GRIA1: variants seen among roughly 807,000 people sequenced by gnomAD.
GRIA1 encodes glutamate receptor 1.
GRIA1 carries 31 observed loss-of-function variants against 99.2 expected under a neutral mutation model. The ratio of observed to expected loss-of-function variants is 0.31; its 90% CI spans 0.23 to 0.42. GRIA1 has a LOEUF of 0.42. GRIA1 is among the 10% of genes least tolerant of loss of function. The pLI is 1.00. For synonymous variants in GRIA1, 438 were observed against 432.4 expected (o/e 1.01, Z -0.16); for missense variants, 782 against 1,157.5 (o/e 0.68, Z 4.71).
At chr5:153,750,524 G>T (rs77308799) in intron 11 of GRIA1, among the ~76,000 whole-genome samples, 1,529 of 152,186 alleles carry the variant, frequency 0.01, 33 homozygotes, top group African/African-American at 0.036. Flanking sequence ...AGATGTCCTA[G>T]AGGGGAGGCT....
intron 13 of GRIA1, among the ~76,000 whole-genome samples, chr5:153,791,508 A>G (rs554706378): frequency 2.6e-5 from 4 of 152,232 alleles, no homozygotes; most frequent in African/African-American, 9.6e-5. Context: ...AAGTGAGCCC[A>G]GGCAAGGATC....
intron 11 of GRIA1, among the ~76,000 whole-genome samples, chr5:153,751,915 T>C (rs928895721): frequency 2.4e-4 from 36 of 152,204 alleles, no homozygotes; most frequent in Admixed American, 2.3e-3. Flanking sequence ...CCAGAAGGCG[T>C]GAACTGTCCA....
At chr5:153,490,457 T>G, upstream of GRIA1, 1 of 212,784 alleles carries the variant, frequency 4.7e-6, no homozygotes, top group East Asian at 1.3e-4. Flanking sequence ...AAGGTGAGGA[T>G]GGGAGGAAGG....
chr5:153,600,263 G>A (rs1764805312), intron 2 of GRIA1, among the ~76,000 whole-genome samples: 2 of 151,788 alleles, frequency 1.3e-5, no homozygotes, highest in Non-Finnish European at 2.9e-5. Context: ...GTGGTGGCGG[G>A]CGCCTGTAGT....
At chr5:153,648,084 G>A (rs1415678850) in intron 3 of GRIA1, among the ~76,000 whole-genome samples, 2 of 152,246 alleles carry the variant, frequency 1.3e-5, no homozygotes, top group East Asian at 3.8e-4. Flanking sequence ...GAGGAGTACA[G>A]TACTGATGTG....
chr5:153,586,813 C>G (rs1009015662), intron 2 of GRIA1, among the ~76,000 whole-genome samples: 3 of 152,082 alleles, frequency 2.0e-5, no homozygotes, highest in Non-Finnish European at 4.4e-5. Flanking sequence ...AGGCTTTACT[C>G]AAATGTAAAG....
At chr5:153,504,568 G>A (rs1329927127) in intron 2 of GRIA1, among the ~76,000 whole-genome samples, 1 of 152,084 alleles carries the variant, frequency 6.6e-6, no homozygotes, top group Admixed American at 6.6e-5. Flanking sequence ...AGCCACCAAT[G>A]AGACAAGCAC....
At chr5:153,745,172 A>G (rs964767395) in intron 11 of GRIA1, among the ~76,000 whole-genome samples, 1 of 151,906 alleles carries the variant, frequency 6.6e-6, no homozygotes, top group Non-Finnish European at 1.5e-5. Context: ...ATTATTCTCA[A>G]CCTTCGGCTC....
At chr5:153,649,439 A>AG (rs201304459) in intron 3 of GRIA1, among the ~76,000 whole-genome samples, 5,554 of 112,230 alleles carry the variant, frequency 0.049, 116 homozygotes, top group Middle Eastern at 0.1. Flanking sequence ...TTATTTATTT[A>AG]TTTAGTTAGT....
chr5:153,747,605 G>A (rs1041233887), intron 11 of GRIA1, among the ~76,000 whole-genome samples: 1 of 152,212 alleles, frequency 6.6e-6, no homozygotes, highest in African/African-American at 2.4e-5. Context: ...TTGGGGCAAA[G>A]TGAAATTGTT....
At chr5:153,579,205 G>A (rs1023258396) in intron 2 of GRIA1, among the ~76,000 whole-genome samples, 4 of 152,138 alleles carry the variant, frequency 2.6e-5, no homozygotes, top group African/African-American at 7.2e-5. Flanking sequence ...AGGAGTTTGT[G>A]TGGAACAGGT....
At chr5:153,522,062 A>C (rs940449396) in intron 2 of GRIA1, among the ~76,000 whole-genome samples, 1 of 152,244 alleles carries the variant, frequency 6.6e-6, no homozygotes. Context: ...GTGATCCTGT[A>C]ATTATTGTGT....
intron 2 of GRIA1, among the ~76,000 whole-genome samples, chr5:153,619,227 G>A (rs531136011): frequency 7.6e-4 from 116 of 152,288 alleles, no homozygotes; most frequent in Non-Finnish European, 1.4e-3. Flanking sequence ...CCACAATGAT[G>A]GGGCCATGTC....
intron 2 of GRIA1, among the ~76,000 whole-genome samples, chr5:153,600,421 G>A (rs1764837549): frequency 1.9e-5 from 1 of 51,886 alleles, no homozygotes; most frequent in East Asian, 5.5e-4. Flanking sequence ...AAAAAAGTAT[G>A]GAGTTTGTAA....
chr5:153,799,134 G>A (rs1348568682), intron 14 of GRIA1, among the ~76,000 whole-genome samples: 1 of 152,144 alleles, frequency 6.6e-6, no homozygotes, highest in Non-Finnish European at 1.5e-5. Context: ...CTATGGAATA[G>A]GAGAATGGGG....
At chr5:153,616,494 AT>A (rs1766518506) in intron 2 of GRIA1, among the ~76,000 whole-genome samples, 1 of 152,142 alleles carries the variant, frequency 6.6e-6, no homozygotes, top group African/African-American at 2.4e-5. Flanking sequence ...CAAAAAAAAA[AT>A]CTCATAATGT....
chr5:153,579,239 T>C (rs1465052250), intron 2 of GRIA1, among the ~76,000 whole-genome samples: 1 of 152,206 alleles, frequency 6.6e-6, no homozygotes, highest in African/African-American at 2.4e-5. Context: ...ATAAAATGCT[T>C]TGAAAACCCT....
At chr5:153,616,483 G>A (rs866942899) in intron 2 of GRIA1, among the ~76,000 whole-genome samples, 3 of 150,208 alleles carry the variant, frequency 2.0e-5, no homozygotes, top group African/African-American at 4.9e-5. Flanking sequence ...AAAAAAATTC[G>A]CAAAAAAAAA....
rs552670945 is a variant in GRIA1, at chr5:153,662,887, T to C, written c.699+7015T>C. 2.6e-5 allele frequency among the ~76,000 whole-genome samples: 4 copies of C among 152,302 alleles called. No homozygotes were observed. The East Asian group carries it at 7.7e-4, about 29-fold the overall frequency. On this transcript the variant is annotated intron_variant, in intron 5 of 15. Transcript: ENST00000285900. Reference sequence around the variant, plus strand: ...CTTCCTACTCCCCACTGTGCCCCTCTCAAGGACTCTCTTTGCTGATGAAGC... The same window carrying C: ...CTTCCTACTCCCCACTGTGCCCCTCCCAAGGACTCTCTTTGCTGATGAAGC...
Sources: allele counts gnomAD v4.1 joint callset (sites outside exome capture counted in the v4.1 genomes callset), GRCh38; gene constraint gnomAD v4.1.1; transcripts MANE v1.5; gene names NCBI Gene and HGNC (gene_info 2026-07-23, HGNC 2026-07-21).